The following NAV2 variants were observed in gnomAD, a reference collection of about 807,000 sequenced individuals.
NAV2 encodes neuron navigator 2, also known as helicase, APC down-regulated 1.
In NAV2, 54 loss-of-function variants were observed where a neutral mutation model predicts 223.2. That is an observed-to-expected ratio of 0.24 (90% CI 0.19 to 0.30). The LOEUF is 0.30. Among genes scored for constraint, NAV2 ranks in the 10% least tolerant of loss-of-function variants. The probability of loss-of-function intolerance (pLI) is 1.00; values close to 1 mark genes in which losing one functional copy is unlikely to be tolerated. For missense variants in NAV2, 2,806 were observed against 3,147.5 expected, an observed-to-expected ratio of 0.89 and a Z score of 2.60; for synonymous variants, 1,279 against 1,239.3, an observed-to-expected ratio of 1.03 and a Z score of -0.67.
chr11:19,646,912 A>G (rs2047830790), intron 1 of NAV2, among the ~76,000 whole-genome samples: 2 of 152,138 alleles, frequency 1.3e-5, no homozygotes, highest in Non-Finnish European at 2.9e-5. Flanking sequence ...ATCTCTCTTC[A>G]GGCACTACAG....
intron 1 of NAV2, among the ~76,000 whole-genome samples, chr11:19,459,949 C>T (rs1852095802): frequency 6.6e-6 from 1 of 152,108 alleles, no homozygotes; most frequent in African/African-American, 2.4e-5. Flanking sequence ...GACTTATCAG[C>T]ATGGTGTAGT....
intron 13 of NAV2, 149 bp downstream of exon 13, chr11:20,044,421 C>CG: frequency 1.4e-6 from 1 of 733,604 alleles, no homozygotes; most frequent in Non-Finnish European, 2.2e-6. Flanking sequence ...ACATCCCTAC[C>CG]TTTTTCTAAG....
chr11:20,055,663 C>G (rs2058321277), intron 18 of NAV2, 106 bp from the exon 19 acceptor site: 5 of 995,046 alleles, frequency 5.0e-6, no homozygotes, highest in Non-Finnish European at 6.0e-6. Flanking sequence ...GAAGAGTTGG[C>G]AGAAACACAT....
At chr11:19,999,324 T>C (rs1565735128) in intron 11 of NAV2, among the ~76,000 whole-genome samples, 2 of 152,250 alleles carry the variant, frequency 1.3e-5, no homozygotes, top group African/African-American at 4.8e-5. Context: ...GGAACTTCTC[T>C]TGTGGGAGAC....
intron 1 of NAV2, chr11:19,714,595 T>G: frequency 2.7e-6 from 1 of 374,262 alleles, no homozygotes; most frequent in Non-Finnish European, 5.4e-6. Context: ...GCGCCTTGGC[T>G]GGCTGTTGCG....
intron 1 of NAV2, among the ~76,000 whole-genome samples, chr11:19,680,131 T>C (rs2048842758): frequency 6.6e-6 from 1 of 152,182 alleles, no homozygotes; most frequent in South Asian, 2.1e-4. Context: ...ACATCAGGCT[T>C]GGGGGTTTGG....
Position 19,368,411 on chromosome 11 carries a change from G to A in NAV2, c.75+17384G>A, listed in dbSNP as rs191539683. Among the ~76,000 whole-genome samples the A allele has an allele frequency of 6.3e-4, 96 of 152,234 alleles. 1 individual carries two copies. Among genetic ancestry groups the A allele is most frequent in the Admixed American group, 5.1e-3 (78 of 15,300 alleles). On this transcript the variant is annotated intron_variant, in intron 1 of 37. Coordinates refer to the NAV2 transcript ENST00000360655. ...AGGAAAACTGATGGAATGTTAAAGGGGCCAAGCTTCTTCCCATCTACTGCA... is the reference window on the plus strand; with the variant it reads ...AGGAAAACTGATGGAATGTTAAAGGAGCCAAGCTTCTTCCCATCTACTGCA...
At chr11:20,084,864 C>T (rs1035859012) in intron 26 of NAV2, among the ~76,000 whole-genome samples, 1 of 152,070 alleles carries the variant, frequency 6.6e-6, no homozygotes, top group African/African-American at 2.4e-5. Context: ...GTGAGCAGAG[C>T]ACTATTCCAG....
rs956335386 is a variant in NAV2 at position 19,752,227 on chromosome 11, C to T, written c.267+38265C>T. ...TGAGTGTGACCTTTGGCAAAGCCCA[C>T]ACGAGGGTACTCAGGGAACAGCCAG... On this transcript the variant is annotated intron_variant, in intron 1 of 37. Coordinates refer to ENST00000349880, the MANE Select transcript of NAV2 (RefSeq NM_145117.5). Among the ~76,000 whole-genome samples, 4 of 152,280 alleles carry T rather than the reference C, an allele frequency of 2.6e-5. No homozygotes were observed. In the South Asian group the frequency reaches 6.2e-4, roughly 24 times the overall value.
chr11:19,880,838 T>C (rs1011064830), intron 5 of NAV2, among the ~76,000 whole-genome samples: 7 of 152,202 alleles, frequency 4.6e-5, no homozygotes, highest in Admixed American at 4.6e-4. Flanking sequence ...AAAACTTTTG[T>C]CTTAATGGTA....
intron 6 of NAV2, among the ~76,000 whole-genome samples, chr11:19,930,152 G>A (rs1458364692): frequency 2.0e-5 from 3 of 152,078 alleles, no homozygotes; most frequent in East Asian, 1.9e-4. Context: ...AGGTATGGAC[G>A]GAATCCTAGT....
At chr11:19,446,230 A>G (rs1279648695) in intron 1 of NAV2, among the ~76,000 whole-genome samples, 1 of 152,212 alleles carries the variant, frequency 6.6e-6, no homozygotes. Context: ...TTTGAAGCAC[A>G]GGATCAGGGA....
In NAV2 at chr11:19,788,255, A is replaced by G. The variant is rs1252340372; in HGVS notation, c.268-44229A>G. ...TGTAAAATGTTTAGTAGCAACACCCAGTCATGACAATCAAAAATGTCTCCG... is the reference window on the plus strand; with the variant it reads ...TGTAAAATGTTTAGTAGCAACACCCGGTCATGACAATCAAAAATGTCTCCG... On this transcript the variant is annotated intron_variant, in intron 1 of 37. Transcript: ENST00000349880. Among the ~76,000 whole-genome samples, 3 of 152,272 alleles carry G rather than the reference A, an allele frequency of 2.0e-5. No individual in the cohort carries two copies. The East Asian group carries it at 5.8e-4, about 29-fold the overall frequency.
At chr11:20,072,070 G>C (rs2059438090) in intron 22 of NAV2, among the ~76,000 whole-genome samples, 1 of 152,152 alleles carries the variant, frequency 6.6e-6, no homozygotes, top group Non-Finnish European at 1.5e-5. Flanking sequence ...TATGATTTTA[G>C]GTCTTAGGTT....
chr11:20,000,246 G>C (rs928364835), intron 11 of NAV2, among the ~76,000 whole-genome samples: 5 of 152,222 alleles, frequency 3.3e-5, no homozygotes, highest in African/African-American at 1.2e-4. Flanking sequence ...AACATCAGAG[G>C]TGCAAACCTG....
At chr11:19,463,266 T>G (rs1852228720) in intron 1 of NAV2, among the ~76,000 whole-genome samples, 1 of 152,242 alleles carries the variant, frequency 6.6e-6, no homozygotes, top group Admixed American at 6.5e-5. Context: ...TCACAAATAT[T>G]TATCAAGCAC....
At chr11:19,401,873 A>C (rs942618044) in intron 1 of NAV2, 17 of 152,240 alleles carry the variant, frequency 1.1e-4, no homozygotes, top group Admixed American at 9.2e-4. Flanking sequence ...AACATGTCAC[A>C]TTCACGTGCA....
intron 1 of NAV2, among the ~76,000 whole-genome samples, chr11:19,660,687 A>C (rs1326957395): frequency 3.9e-5 from 6 of 152,200 alleles, no homozygotes; most frequent in Non-Finnish European, 8.8e-5. Context: ...TACAAAAGTA[A>C]CAGGTAGATC....
Position 20,118,246 on chromosome 11 carries a change from G to A in NAV2, c.7278G>A (p.Glu2426=), listed in dbSNP as rs139909404. 1.0e-4 allele frequency: 168 copies of A among 1,613,852 alleles called. No homozygotes were observed. Among genetic ancestry groups the A allele is most frequent in the Non-Finnish European group, 1.4e-4 (167 of 1,179,984 alleles). ...HHDDILDSSL[E]STL ...ATGACATCTTGGACTCCTCTTTGGA[G>A]TCCACTCTGTGACAGGGGCCCGGAG... Residue 2426 remains glutamate (E), a synonymous_variant, in exon 38 of 38, where the codon GAG becomes GAA. Transcript: ENST00000349880.
Sources: gnomAD v4.1 joint callset for allele counts (sites outside exome capture counted in the v4.1 genomes callset) on GRCh38, gnomAD v4.1.1 for gene constraint, MANE v1.5 for transcripts, NCBI Gene and HGNC (gene_info 2026-07-23, HGNC 2026-07-21) for gene names.